The following SHQ1 variants were observed in gnomAD, a reference collection of about 807,000 sequenced individuals.
The protein encoded by SHQ1 is protein SHQ1 homolog.
A neutral mutation model predicts 53.8 loss-of-function variants in SHQ1; 49 were observed. That is an observed-to-expected ratio of 0.91 (90% CI 0.72 to 1.16). SHQ1 has a LOEUF of 1.16. Among genes scored for constraint, SHQ1 ranks in the 50% most tolerant of loss-of-function variants. SHQ1 has a pLI of 0.00. For missense variants in SHQ1, 738 were observed against 683.1 expected (o/e 1.08, Z -0.90); for synonymous variants, 243 against 251.0 (o/e 0.97, Z 0.30).
chr3:72,824,930 T>C (rs1165688047), intron 5 of SHQ1, among the ~76,000 whole-genome samples: 1 of 152,134 alleles, frequency 6.6e-6, no homozygotes, highest in Non-Finnish European at 1.5e-5. Context: ...GCCTCTCAAG[T>C]AGCTATGACT....
rs1708162811 is a variant in SHQ1, at chr3:72,840,977, A to G, written c.486+68T>C. The stretch of plus-strand genomic sequence containing the variant: ...TTTTTAAAAACTACCAAGTGTAAGC[A>G]TAACTGAAATTAAAATATCCAAATG... On this transcript the variant is annotated intron_variant, in intron 4 of 10. Transcript: ENST00000325599. 14 of 1,518,938 alleles carry G rather than the reference A, an allele frequency of 9.2e-6. No individual in the cohort carries two copies. In the South Asian group the frequency reaches 1.3e-4, roughly 14 times the overall value. The allele number at this position is 1,518,938 out of a possible 1,614,324, so 94.1% of individuals were successfully genotyped here.
chr3:72,790,633 G>T (rs1706405029), intron 10 of SHQ1, among the ~76,000 whole-genome samples: 1 of 152,062 alleles, frequency 6.6e-6, no homozygotes, highest in Non-Finnish European at 1.5e-5. Context: ...TCACAGTAAA[G>T]AAAATACTAG....
intron 10 of SHQ1, among the ~76,000 whole-genome samples, chr3:72,790,057 G>A (rs996896752): frequency 6.6e-6 from 1 of 152,186 alleles, no homozygotes. Flanking sequence ...TTGCTGTAGT[G>A]AGCACCACAC....
chr3:72,737,872 G>A, the SHQ1 span, among the ~76,000 whole-genome samples: 3 of 152,210 alleles, frequency 2.0e-5, no homozygotes, highest in Non-Finnish European at 2.9e-5. Flanking sequence ...AAGTGCACCA[G>A]AGGCTACAAT....
At chr3:72,772,766 TAAA>T in intron 10 of SHQ1, 3 of 755,616 alleles carry the variant, frequency 4.0e-6, no homozygotes. Flanking sequence ...GGAATCCCTA[TAAA>T]AAGTCCTGAT....
At chr3:72,777,797 A>T (rs1469505784) in intron 10 of SHQ1, among the ~76,000 whole-genome samples, 2 of 152,212 alleles carry the variant, frequency 1.3e-5, no homozygotes, top group African/African-American at 4.8e-5. Flanking sequence ...ACTGGAAACC[A>T]TTTATTAGTG....
At chr3:72,803,203 C>T (rs1706842877) in intron 9 of SHQ1, among the ~76,000 whole-genome samples, 1 of 152,144 alleles carries the variant, frequency 6.6e-6, no homozygotes, top group African/African-American at 2.4e-5. Context: ...CATTACTTTA[C>T]TTCTTTGTTC....
At chr3:72,758,610 C>CAAT (rs59077788) in intron 10 of SHQ1, among the ~76,000 whole-genome samples, 32,911 of 144,010 alleles carry the variant, frequency 0.23, 3,889 homozygotes, top group Non-Finnish European at 0.25. Flanking sequence ...CATTCTATTG[C>CAAT]CCAAGCTGGA....
intron 1 of SHQ1, chr3:72,846,408 C>A: frequency 9.3e-7 from 1 of 1,078,576 alleles, no homozygotes; most frequent in Non-Finnish European, 1.3e-6. Context: ...GATTCTCTCA[C>A]CTCAAGCTTC....
At chr3:72,774,819 A>G (rs1705922351) in intron 10 of SHQ1, among the ~76,000 whole-genome samples, 1 of 152,232 alleles carries the variant, frequency 6.6e-6, no homozygotes, top group Non-Finnish European at 1.5e-5. Context: ...AGAGAGGATC[A>G]AGAGCGTGAA....
At chr3:72,833,534 CAGATAGAT>C (rs113103994) in intron 4 of SHQ1, among the ~76,000 whole-genome samples, 6,757 of 149,724 alleles carry the variant, frequency 0.045, 516 homozygotes, top group African/African-American at 0.15. Flanking sequence ...GGATGATAGA[CAGATAGAT>C]AGATAGATAG....
intron 10 of SHQ1, among the ~76,000 whole-genome samples, chr3:72,778,444 CTT>C (rs1706003120): frequency 6.7e-6 from 1 of 149,098 alleles, no homozygotes; most frequent in South Asian, 2.1e-4. Flanking sequence ...AACCCTGTCT[CTT>C]TAAAAAAAGA....
intron 9 of SHQ1, among the ~76,000 whole-genome samples, chr3:72,809,142 A>T (rs928680415): frequency 1.3e-5 from 2 of 152,184 alleles, no homozygotes; most frequent in African/African-American, 2.4e-5. Flanking sequence ...GAAGCAGGAC[A>T]GAGCAACATG....
At chr3:72,748,816 A>G (rs1422792670), downstream of SHQ1, among the ~76,000 whole-genome samples, 1 of 152,152 alleles carries the variant, frequency 6.6e-6, no homozygotes, top group Non-Finnish European at 1.5e-5. Flanking sequence ...AAAACTACAA[A>G]GATTAGCTGG....
intron 10 of SHQ1, among the ~76,000 whole-genome samples, chr3:72,789,750 C>G: frequency 2.6e-5 from 4 of 152,198 alleles, no homozygotes; most frequent in African/African-American, 9.6e-5. Flanking sequence ...AGATACACAT[C>G]TAGATTCCTA....
At chr3:72,748,588 G>A (rs1575670744), downstream of SHQ1, among the ~76,000 whole-genome samples, 1 of 152,162 alleles carries the variant, frequency 6.6e-6, no homozygotes, top group East Asian at 1.9e-4. Context: ...GTACTTGGGG[G>A]GCTGAGGCAT....
chr3:72,753,612 T>TTA (rs1433875359), intron 10 of SHQ1: 10 of 985,252 alleles, frequency 1.0e-5, no homozygotes, highest in Non-Finnish European at 1.2e-5. Context: ...TAGCTTTCTC[T>TTA]TAGCCCTGGG....
At chr3:72,831,342 C>T (rs1707812803) in intron 5 of SHQ1, among the ~76,000 whole-genome samples, 1 of 152,176 alleles carries the variant, frequency 6.6e-6, no homozygotes, top group Admixed American at 6.5e-5. Context: ...ACGAGAGCTA[C>T]AGCAGTTAAA....
At chr3:72,776,992 T>C (rs538563670) in intron 10 of SHQ1, among the ~76,000 whole-genome samples, 2 of 152,314 alleles carry the variant, frequency 1.3e-5, no homozygotes, top group East Asian at 1.9e-4. Context: ...AGCCAGGATA[T>C]GGTTATCCAT....
Sources: allele counts gnomAD v4.1 joint callset (sites outside exome capture counted in the v4.1 genomes callset), GRCh38; gene constraint gnomAD v4.1.1; transcripts MANE v1.5; gene names NCBI Gene and HGNC (gene_info 2026-07-23, HGNC 2026-07-21).